ST3GAL4: variants seen among roughly 807,000 people sequenced by gnomAD.
The protein encoded by ST3GAL4 is ST3 beta-galactoside alpha-2,3-sialyltransferase 4.
A neutral mutation model predicts 42.6 loss-of-function variants in ST3GAL4; 24 were observed. The ratio of observed to expected loss-of-function variants is 0.56; its 90% CI spans 0.41 to 0.79. ST3GAL4 has a LOEUF of 0.79. Among genes scored for constraint, ST3GAL4 ranks in the 30% least tolerant of loss-of-function variants. ST3GAL4 has a pLI of 0.00. For missense variants in ST3GAL4, 311 were observed against 430.8 expected, an observed-to-expected ratio of 0.72 and a Z score of 2.46; for synonymous variants, 135 against 163.2, an observed-to-expected ratio of 0.83 and a Z score of 1.32.
chr11:126,392,908 C>T lies in ST3GAL4; in HGVS notation c.-60-13188C>T, dbSNP rs1413008185. Among the ~76,000 whole-genome samples the T allele has an allele frequency of 6.6e-6, 1 of 151,688 alleles. No homozygotes were observed. The highest frequency in any genetic ancestry group is 2.4e-5 in the African/African-American group (1 of 41,264). ...CGGAAGAGAGGTCTGGGCTTGGGTCCCAACCACTGATTCCAGATCTCTCAA... is the reference window on the plus strand; with the variant it reads ...CGGAAGAGAGGTCTGGGCTTGGGTCTCAACCACTGATTCCAGATCTCTCAA... On this transcript the variant is annotated intron_variant, in intron 1 of 10. Coordinates refer to ENST00000444328, the MANE Select transcript of ST3GAL4 (RefSeq NM_001254757.2). This position sits in a 1 kb window ranked among gnomAD's most constrained non-coding sequence, Gnocchi z 5.8.
intron 1 of ST3GAL4, among the ~76,000 whole-genome samples, chr11:126,403,893 A>G (rs527449591): frequency 6.6e-6 from 1 of 152,250 alleles, no homozygotes; most frequent in South Asian, 2.1e-4. Flanking sequence ...TCGAGGTTTG[A>G]GAAGTGTGCT....
chr11:126,356,021 G>C (rs529722276), intron 1 of ST3GAL4, 179 bp downstream of exon 1: 6 of 152,308 alleles, frequency 3.9e-5, no homozygotes, highest in African/African-American at 1.4e-4. Context: ...TGCTTTCCGG[G>C]GTCCCTTTCC....
chr11:126,358,188 GCC>G (rs1340751749), intron 1 of ST3GAL4, among the ~76,000 whole-genome samples: 1 of 152,224 alleles, frequency 6.6e-6, no homozygotes, highest in Non-Finnish European at 1.5e-5. Context: ...CCTGCTTCCT[GCC>G]CCCTCAGTTC....
chr11:126,402,122 C>A, intron 1 of ST3GAL4, among the ~76,000 whole-genome samples: 1 of 149,702 alleles, frequency 6.7e-6, no homozygotes, highest in African/African-American at 2.5e-5. Context: ...TAGACGTAGA[C>A]AGCAGGCAGA....
Position 126,406,292 on chromosome 11 carries a change from T to C in ST3GAL4, c.16+121T>C. On this transcript the variant is annotated intron_variant, in intron 2 of 10. Transcript: ENST00000444328. This position sits in a 1 kb window ranked among gnomAD's most constrained non-coding sequence, Gnocchi z 5.4. ...GACAGGGAGCCAGGGGCCCTTCTCT[T>C]CATCTTGAAGGACAGTGGGTACAAT... The C allele has an allele frequency of 6.5e-7, 1 of 1,544,642 alleles. No homozygotes were observed.
intron 5 of ST3GAL4, 26 bp from the exon 6 acceptor site, chr11:126,407,548 G>A: frequency 6.2e-7 from 1 of 1,614,030 alleles, no homozygotes; most frequent in South Asian, 1.1e-5. Flanking sequence ...TGTCACATCA[G>A]TCCCTCCGCC....
rs187884566 is a variant in ST3GAL4, at chr11:126,390,976, G to A, written c.-60-15120G>A. Among the ~76,000 whole-genome samples, 4 of 152,326 alleles carry A rather than the reference G, an allele frequency of 2.6e-5. No homozygotes were observed. The East Asian group carries it at 7.7e-4, about 29-fold the overall frequency. ...TTGGGACTGGCTTATTTCACTTCGC[G>A]TAGTACCTTCAAGGTTGATCCATAC... On this transcript the variant is annotated intron_variant, in intron 1 of 10. Transcript: ENST00000444328.
rs575601759 is a variant in ST3GAL4, at chr11:126,407,489, C to G, written c.281-85C>G. On this transcript the variant is annotated intron_variant, in intron 5 of 10. Coordinates refer to ENST00000444328, the MANE Select transcript of ST3GAL4 (RefSeq NM_001254757.2). ...GTCAGGGGAAGAAGAAGGCAGCCAG[C>G]GCTCTGAGGAGCAGTGGAGGGAGGG... The G allele has an allele frequency of 8.2e-4, 1,284 of 1,569,662 alleles. 14 individuals are homozygous for G. In the Admixed American group the frequency reaches 0.016, roughly 19 times the overall value.
At chr11:126,394,785 A>G (rs972769934) in intron 1 of ST3GAL4, among the ~76,000 whole-genome samples, 1 of 132,178 alleles carries the variant, frequency 7.6e-6, no homozygotes, top group Non-Finnish European at 1.6e-5. Context: ...CGGGTGATAC[A>G]ATGTTTCTGT....
At position 126,366,530 on chromosome 11, in the gene ST3GAL4, A is replaced by T. The variant is rs1222119782; in HGVS notation, c.-61+10688A>T. On this transcript the variant is annotated intron_variant, in intron 1 of 10. Transcript: ENST00000444328. The surrounding 1 kb of genome is among the most constrained non-coding windows in gnomAD (Gnocchi z 4.2). Reference sequence around the variant, plus strand: ...GCTTGCTTTCCTCACCCCGCTTCCCACGTCTTCATTGAGTCCTCATCTGGG... The same window carrying T: ...GCTTGCTTTCCTCACCCCGCTTCCCTCGTCTTCATTGAGTCCTCATCTGGG... Among the ~76,000 whole-genome samples, 1 of 152,072 alleles carries T rather than the reference A, an allele frequency of 6.6e-6. No homozygotes were observed. Among genetic ancestry groups the T allele is most frequent in the Non-Finnish European group, 1.5e-5 (1 of 68,008 alleles).
Position 126,359,698 on chromosome 11 carries a change from G to T in ST3GAL4, c.-61+3856G>T, listed in dbSNP as rs1952180950. On this transcript the variant is annotated intron_variant, in intron 1 of 10. Transcript: ENST00000444328. This position sits in a 1 kb window ranked among gnomAD's most constrained non-coding sequence, Gnocchi z 4.8. ...ACACGCTTGTCCGCTTTCTCAGCTG[G>T]GCGGGGCGGGGCAGGACAAGGTTCT... Among the ~76,000 whole-genome samples the T allele has an allele frequency of 6.6e-6, 1 of 151,122 alleles. No homozygotes were observed.
At chr11:126,364,079 A>C (rs547829983) in intron 1 of ST3GAL4, among the ~76,000 whole-genome samples, 1 of 152,208 alleles carries the variant, frequency 6.6e-6, no homozygotes, top group Non-Finnish European at 1.5e-5. Flanking sequence ...ATCTCCCAAA[A>C]TGGCGGGGTG....
chr11:126,407,452 T>C (rs1193495366), intron 5 of ST3GAL4, 103 bp downstream of exon 5: 3 of 1,551,792 alleles, frequency 1.9e-6, no homozygotes, highest in Non-Finnish European at 2.7e-6. Flanking sequence ...TGAGCCTGAC[T>C]CGGGTACCAG....
At chr11:126,402,451 GAAAA>G (rs575036017) in intron 1 of ST3GAL4, among the ~76,000 whole-genome samples, 1 of 100,990 alleles carries the variant, frequency 9.9e-6, no homozygotes, top group Non-Finnish European at 2.0e-5. Flanking sequence ...AAGACTGTCT[GAAAA>G]AAAAAAAAAA....
In ST3GAL4 at chr11:126,383,518, G is replaced by T. The variant is rs7110951; in HGVS notation, c.-60-22578G>T. Reference sequence around the variant, plus strand: ...TGGCTTGGGGGGGCCCTCAAGCCCCGGAAGCTGTATGTGGGCATGGGGGGC... The same window carrying T: ...TGGCTTGGGGGGGCCCTCAAGCCCCTGAAGCTGTATGTGGGCATGGGGGGC... On this transcript the variant is annotated intron_variant, in intron 1 of 10. Transcript: ENST00000444328. This position sits in a 1 kb window ranked among gnomAD's most constrained non-coding sequence, Gnocchi z 4.5. Among the ~76,000 whole-genome samples, 1 of 152,132 alleles carries T rather than the reference G, an allele frequency of 6.6e-6. No homozygotes were observed. Among genetic ancestry groups the T allele is most frequent in the African/African-American group, 2.4e-5 (1 of 41,408 alleles).
At position 126,398,538 on chromosome 11, in the gene ST3GAL4, C is replaced by G. The variant is rs995722554; in HGVS notation, c.-60-7558C>G. The stretch of plus-strand genomic sequence containing the variant: ...GTTGCACACTGGTAGCTCTGCAGTT[C>G]TGGGGTGTCAGGATGGCCTTACTCC... On this transcript the variant is annotated intron_variant, in intron 1 of 10. Coordinates refer to ENST00000444328, the MANE Select transcript of ST3GAL4 (RefSeq NM_001254757.2). This position sits in a 1 kb window ranked among gnomAD's most constrained non-coding sequence, Gnocchi z 4.7. Among the ~76,000 whole-genome samples the G allele has an allele frequency of 2.6e-5, 4 of 152,204 alleles. No homozygotes were observed. In the East Asian group the frequency reaches 5.8e-4, roughly 22 times the overall value.
At position 126,398,251 on chromosome 11, in the gene ST3GAL4, T is replaced by C. The variant is rs1285087848; in HGVS notation, c.-60-7845T>C. ...TGATGGGACAGGCATAGGACAGATATTCCATTCCAAAAGGGAGAGATAGGC... is the reference window on the plus strand; with the variant it reads ...TGATGGGACAGGCATAGGACAGATACTCCATTCCAAAAGGGAGAGATAGGC... On this transcript the variant is annotated intron_variant, in intron 1 of 10. Coordinates refer to ENST00000444328, the MANE Select transcript of ST3GAL4 (RefSeq NM_001254757.2). The surrounding 1 kb of genome is among the most constrained non-coding windows in gnomAD (Gnocchi z 4.7). Among the ~76,000 whole-genome samples, 1 of 152,196 alleles carries C rather than the reference T, an allele frequency of 6.6e-6. No individual in the cohort carries two copies. Among genetic ancestry groups the C allele is most frequent in the Non-Finnish European group, 1.5e-5 (1 of 68,036 alleles).
chr11:126,388,679 T>TTTTTTTTC lies in ST3GAL4; in HGVS notation c.-60-17415_-60-17414insTTTTTCTT, dbSNP rs1239186575. Among the ~76,000 whole-genome samples the TTTTTTTTC allele has an allele frequency of 3.2e-4, 39 of 122,604 alleles. 3 individuals are homozygous for TTTTTTTTC. Among genetic ancestry groups the TTTTTTTTC allele is most frequent in the Non-Finnish European group, 5.1e-4 (31 of 60,354 alleles). 80.4% of individuals were successfully genotyped at this position (122,604 alleles called of 152,430 possible). Reference sequence around the variant, plus strand: ...TTTCTTGTTTTTTTTTTTTTTTTTTTTTCTGATTTACGTGAGCACATCATA... The same window carrying TTTTTTTTC: ...TTTCTTGTTTTTTTTTTTTTTTTTTTTTTTTTTCTTCTGATTTACGTGAGCACATCATA... On this transcript the variant is annotated intron_variant, in intron 1 of 10. Coordinates refer to ENST00000444328, the MANE Select transcript of ST3GAL4 (RefSeq NM_001254757.2).
At chr11:126,374,370 T>C (rs1300562373) in intron 1 of ST3GAL4, among the ~76,000 whole-genome samples, 2 of 147,714 alleles carry the variant, frequency 1.4e-5, no homozygotes, top group Non-Finnish European at 3.0e-5. Flanking sequence ...GAGAATTGCT[T>C]GAACCCGGGA....
Sources: allele counts gnomAD v4.1 joint callset (sites outside exome capture counted in the v4.1 genomes callset), GRCh38; gene constraint gnomAD v4.1.1; non-coding constraint Gnocchi (gnomAD v3.1); transcripts MANE v1.5; gene names NCBI Gene and HGNC (gene_info 2026-07-23, HGNC 2026-07-21).